USP46: variants seen among roughly 807,000 people sequenced by gnomAD.
USP46 encodes the protein ubiquitin specific peptidase 46.
USP46 carries 12 observed loss-of-function variants against 44.4 expected under a neutral mutation model. The ratio of observed to expected loss-of-function variants is 0.27; its 90% CI spans 0.17 to 0.44. The LOEUF (loss-of-function observed/expected upper bound fraction) is 0.44. Ranked by LOEUF, USP46 falls within the 20% of genes least tolerant of loss-of-function variation. The pLI is 1.00. For missense variants in USP46, 248 were observed against 444.8 expected (o/e 0.56, Z 3.98); for synonymous variants, 155 against 161.5 (o/e 0.96, Z 0.31).
intron 5 of USP46, among the ~76,000 whole-genome samples, chr4:52,609,049 ATCTT>A (rs1716812565): frequency 6.6e-6 from 1 of 152,214 alleles, no homozygotes; most frequent in South Asian, 2.1e-4. Context: ...AGGAAAAAAC[ATCTT>A]TCTTTCTCAG....
chr4:52,632,183 T>G (rs1203085642), intron 1 of USP46, among the ~76,000 whole-genome samples: 1 of 152,186 alleles, frequency 6.6e-6, no homozygotes, highest in Non-Finnish European at 1.5e-5. Flanking sequence ...GAGCTAGGAT[T>G]TGAACCTAAG....
At chr4:52,626,331 A>AT (rs888916473) in intron 3 of USP46, 84 bp from the exon 4 acceptor site, 3,913 of 1,092,480 alleles carry the variant, frequency 3.6e-3, no homozygotes, top group Non-Finnish European at 4.1e-3. Flanking sequence ...ATACTTAAAT[A>AT]TTTTTTTTTT....
At chr4:52,648,462 A>C (rs1051064787) in intron 1 of USP46, among the ~76,000 whole-genome samples, 1 of 152,224 alleles carries the variant, frequency 6.6e-6, no homozygotes, top group African/African-American at 2.4e-5. Context: ...ATAAGGTCAA[A>C]TTAGGGTGAA....
At chr4:52,635,675 T>G (rs1718086841) in intron 1 of USP46, among the ~76,000 whole-genome samples, 1 of 152,146 alleles carries the variant, frequency 6.6e-6, no homozygotes, top group Non-Finnish European at 1.5e-5. Flanking sequence ...ATCAGATCCT[T>G]CCCGTCAGCA....
intron 1 of USP46, among the ~76,000 whole-genome samples, chr4:52,632,980 G>GAAAGAAAGAAAGAAAGACAGAAAGA (rs1553891291): frequency 1.4e-5 from 1 of 71,434 alleles, no homozygotes. Context: ...AAGAAAGAAA[G>GAAAGAAAGAAAGAAAGACAGAAAGA]AAAGAAAAGA....
At chr4:52,610,007 GC>G (rs1226641361) in intron 5 of USP46, among the ~76,000 whole-genome samples, 1 of 120,466 alleles carries the variant, frequency 8.3e-6, no homozygotes, top group East Asian at 2.7e-4. Context: ...CTCACTGCAA[GC>G]TCCGCCTCCC....
intron 1 of USP46, among the ~76,000 whole-genome samples, chr4:52,633,609 C>A (rs1237230509): frequency 6.6e-6 from 1 of 152,132 alleles, no homozygotes; most frequent in Non-Finnish European, 1.5e-5. Context: ...TGGCTTAGAG[C>A]CCGGGAGGAA....
chr4:52,618,918 C>A (rs1377184708), intron 4 of USP46, among the ~76,000 whole-genome samples: 1 of 152,132 alleles, frequency 6.6e-6, no homozygotes, highest in Non-Finnish European at 1.5e-5. Flanking sequence ...CTTAAAACAA[C>A]CTTTTGGCTC....
intron 1 of USP46, among the ~76,000 whole-genome samples, chr4:52,655,937 C>G (rs149272164): frequency 1.4e-3 from 218 of 152,248 alleles, no homozygotes; most frequent in African/African-American, 5.2e-3. Flanking sequence ...AAAACTGGCA[C>G]AAGAAGTATG....
chr4:52,641,242 G>T (rs566741852), intron 1 of USP46, among the ~76,000 whole-genome samples: 1 of 152,072 alleles, frequency 6.6e-6, no homozygotes, highest in African/African-American at 2.4e-5. Context: ...TCACAGGGTC[G>T]GGAAGCATAA....
intron 2 of USP46, among the ~76,000 whole-genome samples, chr4:52,630,011 C>T (rs879233437): frequency 6.6e-6 from 1 of 152,152 alleles, no homozygotes; most frequent in Admixed American, 6.5e-5. Context: ...TACTACTTAC[C>T]ACACCTGGGC....
At chr4:52,604,362 G>A in intron 6 of USP46, 139 bp downstream of exon 6, 1 of 663,530 alleles carries the variant, frequency 1.5e-6, no homozygotes, top group Non-Finnish European at 2.6e-6. Context: ...TCACTGGTGA[G>A]GAGGATAACT....
chr4:52,629,636 T>C (rs2109634682), intron 2 of USP46: 1 of 456,304 alleles, frequency 2.2e-6, no homozygotes, highest in Middle Eastern at 3.3e-4. Flanking sequence ...TATCTCACCT[T>C]TCCCCAGACA....
At chr4:52,632,746 C>T (rs1322667704) in intron 1 of USP46, among the ~76,000 whole-genome samples, 1 of 150,644 alleles carries the variant, frequency 6.6e-6, no homozygotes, top group Non-Finnish European at 1.5e-5. Flanking sequence ...GAGGTGGAGG[C>T]TGTGCAGTGA....
chr4:52,651,368 T>C (rs1180321096), intron 1 of USP46, among the ~76,000 whole-genome samples: 2 of 152,074 alleles, frequency 1.3e-5, no homozygotes, highest in Admixed American at 1.3e-4. Flanking sequence ...ACCTACTTAA[T>C]CAAACTCTCT....
chr4:52,656,859 G>T (rs1407552335), intron 1 of USP46, among the ~76,000 whole-genome samples: 6 of 151,772 alleles, frequency 4.0e-5, no homozygotes, highest in Admixed American at 2.0e-4. Flanking sequence ...GGGCAACATA[G>T]GGAGACCCAG....
At chr4:52,621,758 T>C (rs1717383797) in intron 4 of USP46, among the ~76,000 whole-genome samples, 1 of 152,112 alleles carries the variant, frequency 6.6e-6, no homozygotes, top group Admixed American at 6.5e-5. Context: ...ACATGCCCTA[T>C]GGCCAGCAAT....
intron 5 of USP46, among the ~76,000 whole-genome samples, chr4:52,609,178 C>T (rs1716819272): frequency 6.6e-6 from 1 of 152,150 alleles, no homozygotes. Flanking sequence ...AGACCTGTAT[C>T]CTGAATTTAA....
rs762659322 is a variant in USP46 at position 52,604,592 on chromosome 4, G to A, written c.639-8C>T. On this transcript the variant is annotated splice_polypyrimidine_tract_variant and splice_region_variant and intron_variant, in intron 5 of 8. Transcript: ENST00000441222. ...TCTGTGTTGCTGAAGTCTCTGTAGA[G>A]GAAAATATTTCCATCTTTAAAAAAT... The A allele has an allele frequency of 8.9e-6, 14 of 1,577,542 alleles. No homozygotes were observed. The highest frequency in any genetic ancestry group is 1.2e-5 in the Non-Finnish European group (14 of 1,161,374).
Sources: allele counts gnomAD v4.1 joint callset (sites outside exome capture counted in the v4.1 genomes callset), GRCh38; gene constraint gnomAD v4.1.1; transcripts MANE v1.5; gene names NCBI Gene and HGNC (gene_info 2026-07-23, HGNC 2026-07-21).